CELF2: variants seen among roughly 807,000 people sequenced by gnomAD.
CELF2 encodes the protein CUG triplet repeat RNA-binding protein 2.
Under a neutral mutation model 62.6 loss-of-function variants are expected in CELF2, and 8 were observed. The observed-to-expected ratio is 0.13, with a 90% CI of 0.07 to 0.23. CELF2 has a LOEUF of 0.23. Among genes scored for constraint, CELF2 ranks in the 10% least tolerant of loss-of-function variants. The probability of loss-of-function intolerance (pLI) is 1.00; values close to 1 mark genes in which losing one functional copy is unlikely to be tolerated. For synonymous variants in CELF2, 258 were observed against 250.0 expected, an observed-to-expected ratio of 1.03 and a Z score of -0.30; for missense variants, 333 against 671.0, an observed-to-expected ratio of 0.50 and a Z score of 5.56.
At chr10:10,718,086 T>A in the CELF2 span, among the ~76,000 whole-genome samples, 6 of 152,316 alleles carry the variant, frequency 3.9e-5, no homozygotes, top group African/African-American at 1.4e-4. Flanking sequence ...CTCTGGAATA[T>A]GGAACATGAA....
chr10:11,187,573 G>GCC (rs71287361), intron 2 of CELF2, among the ~76,000 whole-genome samples: 3 of 105,772 alleles, frequency 2.8e-5, no homozygotes, highest in African/African-American at 4.6e-5. Flanking sequence ...CACTAAGGTC[G>GCC]CCCCCCCCCC....
chr10:11,047,868 A>C (rs2063147767), intron 1 of CELF2, among the ~76,000 whole-genome samples: 1 of 152,210 alleles, frequency 6.6e-6, no homozygotes, highest in Admixed American at 6.5e-5. Context: ...TACTGTTGCC[A>C]CATGCACTTC....
At chr10:10,489,964 C>G in the CELF2 span, among the ~76,000 whole-genome samples, 1 of 152,080 alleles carries the variant, frequency 6.6e-6, no homozygotes, top group Non-Finnish European at 1.5e-5. Context: ...GTGTAACTTA[C>G]AGAGATTCAG....
At chr10:10,726,518 C>G in the CELF2 span, among the ~76,000 whole-genome samples, 5 of 152,162 alleles carry the variant, frequency 3.3e-5, no homozygotes, top group East Asian at 1.9e-4. Flanking sequence ...CACCGACCTG[C>G]CTTTCTCTCT....
chr10:10,607,114 G>A, the CELF2 span, among the ~76,000 whole-genome samples: 96 of 152,242 alleles, frequency 6.3e-4, no homozygotes, highest in Admixed American at 1.6e-3. Context: ...CCTTGACCAA[G>A]AGCAATTTTG....
chr10:11,186,192 T>G (rs1485130294), intron 2 of CELF2, among the ~76,000 whole-genome samples: 1 of 152,182 alleles, frequency 6.6e-6, no homozygotes, highest in Non-Finnish European at 1.5e-5. Flanking sequence ...TCATGTCTCC[T>G]GATACTCCTG....
chr10:10,602,487 C>A, the CELF2 span, among the ~76,000 whole-genome samples: 15 of 113,222 alleles, frequency 1.3e-4, no homozygotes, highest in Non-Finnish European at 2.6e-4. Flanking sequence ...GTAGCATGTT[C>A]TAGATAGCTA....
At chr10:10,614,483 A>G in the CELF2 span, among the ~76,000 whole-genome samples, 1 of 152,154 alleles carries the variant, frequency 6.6e-6, no homozygotes, top group Non-Finnish European at 1.5e-5. Flanking sequence ...AAATGGCTCC[A>G]TTTAAACAAA....
At chr10:11,082,286 C>A (rs2074227568) in intron 1 of CELF2, among the ~76,000 whole-genome samples, 1 of 152,216 alleles carries the variant, frequency 6.6e-6, no homozygotes. Flanking sequence ...AGAGTCCACT[C>A]AGTTGCAGCC....
chr10:11,276,629 G>A (rs1019820084), intron 8 of CELF2, among the ~76,000 whole-genome samples: 22 of 152,168 alleles, frequency 1.4e-4, no homozygotes, highest in Admixed American at 5.9e-4. Context: ...TGCTTTTCTC[G>A]CATAGTATGG....
At chr10:11,231,138 G>C (rs1302995917) in intron 3 of CELF2, among the ~76,000 whole-genome samples, 1 of 152,218 alleles carries the variant, frequency 6.6e-6, no homozygotes, top group East Asian at 1.9e-4. Context: ...AACAGTGTAA[G>C]ATTTCCCCTT....
the CELF2 span, among the ~76,000 whole-genome samples, chr10:10,699,616 G>A: frequency 0.21 from 31,539 of 152,068 alleles, 3,576 homozygotes; most frequent in South Asian, 0.43. Context: ...AGGAGGTGAC[G>A]GGTGAGGAAG....
intron 1 of CELF2, among the ~76,000 whole-genome samples, chr10:11,055,822 C>A (rs1594207619): frequency 1.3e-5 from 2 of 152,274 alleles, no homozygotes; most frequent in East Asian, 3.9e-4. Context: ...TCTGGAGTAT[C>A]CCCCATCTAG....
chr10:10,799,027 G>A (rs751820617), intron 1 of CELF2, among the ~76,000 whole-genome samples: 35 of 152,178 alleles, frequency 2.3e-4, no homozygotes, highest in Non-Finnish European at 4.3e-4. Flanking sequence ...TTCACCCCAG[G>A]GGGGAGGTCG....
rs1156709438 is a variant in CELF2 at position 11,315,836 on chromosome 10, G to A, written c.1096+1578G>A. 1.3e-5 allele frequency among the ~76,000 whole-genome samples: 2 copies of A among 152,216 alleles called. No individual in the cohort carries two copies. The highest frequency in any genetic ancestry group is 2.9e-5 in the Non-Finnish European group (2 of 68,044). On this transcript the variant is annotated intron_variant, in intron 10 of 12. Transcript: ENST00000633077. The surrounding 1 kb of genome is among the most constrained non-coding windows in gnomAD (Gnocchi z 5.8). ...GACCTTGTCCTTCACCTAGGTCGAG[G>A]ACGCGTGTGCTCGCACACATCCCCT...
the CELF2 span, among the ~76,000 whole-genome samples, chr10:10,611,854 G>A: frequency 3.9e-5 from 6 of 152,078 alleles, no homozygotes; most frequent in Non-Finnish European, 4.4e-5. Context: ...TTGTCAAAAC[G>A]CAAAAGAGGC....
the CELF2 span, among the ~76,000 whole-genome samples, chr10:10,559,226 G>T: frequency 2.6e-5 from 4 of 152,172 alleles, no homozygotes; most frequent in Non-Finnish European, 4.4e-5. Flanking sequence ...TATTAAGCAT[G>T]TCTGACCTAT....
At chr10:11,168,982 C>T (rs2068034413) in intron 2 of CELF2, 1 of 152,170 alleles carries the variant, frequency 6.6e-6, no homozygotes, top group Non-Finnish European at 1.5e-5. Flanking sequence ...GTGAGCAATA[C>T]CACAGAGAGT....
At chr10:10,597,230 A>C in the CELF2 span, among the ~76,000 whole-genome samples, 1 of 152,252 alleles carries the variant, frequency 6.6e-6, no homozygotes, top group Admixed American at 6.5e-5. Context: ...AAAGAGGCCC[A>C]ATGAGTTAGA....
Sources: gnomAD v4.1 joint callset for allele counts (sites outside exome capture counted in the v4.1 genomes callset) on GRCh38, gnomAD v4.1.1 for gene constraint, Gnocchi (gnomAD v3.1) non-coding constraint, MANE v1.5 for transcripts, NCBI Gene and HGNC (gene_info 2026-07-23, HGNC 2026-07-21) for gene names.